Variants in SRP54 observed in about 807,000 individuals in gnomAD.
The protein encoded by SRP54 is signal recognition particle 54.
In SRP54, 10 loss-of-function variants were observed where a neutral mutation model predicts 64.8. The ratio of observed to expected loss-of-function variants is 0.15; its 90% confidence interval spans 0.10 to 0.26. The LOEUF (loss-of-function observed/expected upper bound fraction) is 0.26. SRP54 is among the 10% of genes least tolerant of loss of function. The probability of loss-of-function intolerance (pLI) is 1.00; values close to 1 mark genes in which losing one functional copy is unlikely to be tolerated. For missense variants in SRP54, 325 were observed against 613.7 expected, an observed-to-expected ratio of 0.53 and a Z score of 4.97; for synonymous variants, 193 against 185.6, an observed-to-expected ratio of 1.04 and a Z score of -0.32.
rs760911701 is a variant in SRP54 at position 35,029,288 on chromosome 14, C to T, written c.*136C>T. On this transcript the variant is annotated 3_prime_UTR_variant, in exon 16 of 16. Coordinates refer to ENST00000216774, the MANE Select transcript of SRP54 (RefSeq NM_003136.4). ...TGCACTCTTTCCTTTTCTTCTCGCC[C>T]GCTTTTCCCCTCCTTTTCTTTTTCC... is the stretch of plus-strand genomic sequence containing the variant. 29 of 518,370 alleles carry T rather than the reference C, an allele frequency of 5.6e-5. No individual in the cohort carries two copies. Among genetic ancestry groups the T allele is most frequent in the South Asian group, 9.6e-5 (3 of 31,400 alleles). 32.1% of individuals were successfully genotyped at this position (518,370 alleles called of 1,614,324 possible).
chr14:35,012,444 G>A (rs1205511717), intron 8 of SRP54, among the ~76,000 whole-genome samples: 1 of 152,114 alleles, frequency 6.6e-6, no homozygotes, highest in East Asian at 1.9e-4. Flanking sequence ...TGGAGTGTTA[G>A]CAGTAATTCT....
At chr14:35,028,942 C>A in intron 15 of SRP54, 119 bp from the exon 16 acceptor site, 1 of 758,964 alleles carries the variant, frequency 1.3e-6, no homozygotes, top group Non-Finnish European at 2.1e-6. Flanking sequence ...AGGCTGATGA[C>A]TAAATTGCAA....
At chr14:35,023,166 A>C in intron 14 of SRP54, 86 bp downstream of exon 14, 1 of 1,119,460 alleles carries the variant, frequency 8.9e-7, no homozygotes, top group Non-Finnish European at 1.3e-6. Context: ...TGGAAAATTC[A>C]CAGCTGAATT....
intron 1 of SRP54, among the ~76,000 whole-genome samples, chr14:34,983,550 C>T (rs1398193961): frequency 3.3e-5 from 5 of 152,140 alleles, no homozygotes; most frequent in Admixed American, 3.3e-4. Context: ...TTTTATTTTT[C>T]CTATGTGTTT....
chr14:35,019,990 C>G (rs1469125804), intron 13 of SRP54, among the ~76,000 whole-genome samples: 2 of 152,108 alleles, frequency 1.3e-5, no homozygotes, highest in Non-Finnish European at 2.9e-5. Context: ...TGACACCAGC[C>G]TGGCTAACAT....
intron 4 of SRP54, among the ~76,000 whole-genome samples, chr14:35,006,577 AGTATCACCT>A (rs2044261706): frequency 6.8e-6 from 1 of 146,398 alleles, no homozygotes; most frequent in Non-Finnish European, 1.5e-5. Flanking sequence ...TACTAAAATT[AGTATCACCT>A]GTTTTTACTT....
At chr14:35,021,880 A>G (rs1488762031) in intron 13 of SRP54, among the ~76,000 whole-genome samples, 1 of 152,234 alleles carries the variant, frequency 6.6e-6, no homozygotes, top group African/African-American at 2.4e-5. Context: ...ATGCAGACAT[A>G]ATGGACATTT....
Position 34,983,106 on chromosome 14 carries a change from T to A in SRP54, c.-143T>A, listed in dbSNP as rs2043831050. ...TAGTTCGGGAAGTTGGGTTGTGGGGTCATACCTGTCTGTCTGCTCCCAGCT... is the reference window on the plus strand; with the variant it reads ...TAGTTCGGGAAGTTGGGTTGTGGGGACATACCTGTCTGTCTGCTCCCAGCT... On this transcript the variant is annotated 5_prime_UTR_variant, in exon 1 of 16. Transcript: ENST00000216774. 1 of 152,334 alleles carries A rather than the reference T, an allele frequency of 6.6e-6. No homozygotes were observed. Among genetic ancestry groups the A allele is most frequent in the South Asian group, 2.1e-4 (1 of 4,836 alleles). 9.4% of individuals were successfully genotyped at this position (152,334 alleles called of 1,614,324 possible).
chr14:34,998,123 G>A (rs1275988227), intron 2 of SRP54, among the ~76,000 whole-genome samples: 2 of 152,034 alleles, frequency 1.3e-5, no homozygotes, highest in Non-Finnish European at 2.9e-5. Context: ...AGAGAAAACT[G>A]GTAAGCCTCT....
intron 11 of SRP54, among the ~76,000 whole-genome samples, chr14:35,017,380 G>A (rs1188634464): frequency 3.3e-5 from 5 of 152,124 alleles, no homozygotes; most frequent in Admixed American, 3.3e-4. Context: ...ATATTTAAGT[G>A]TTTTCTGCCT....
At chr14:34,992,548 C>G (rs1246626679) in intron 1 of SRP54, among the ~76,000 whole-genome samples, 3 of 152,092 alleles carry the variant, frequency 2.0e-5, no homozygotes, top group Non-Finnish European at 4.4e-5. Flanking sequence ...AACAGAAAAT[C>G]AAGTATCTCA....
At chr14:35,028,324 G>A in intron 15 of SRP54, 141 bp downstream of exon 15, 1 of 539,938 alleles carries the variant, frequency 1.9e-6, no homozygotes, top group Non-Finnish European at 3.2e-6. Flanking sequence ...TGAATCCTAA[G>A]TTGAATTCAA....
intron 7 of SRP54, among the ~76,000 whole-genome samples, chr14:35,011,182 A>T (rs17102967): frequency 6.6e-6 from 1 of 150,654 alleles, no homozygotes; most frequent in Non-Finnish European, 1.5e-5. Flanking sequence ...TTCCAAATGG[A>T]TGTTAAATGG....
rs370066607 is a variant in SRP54, at chr14:35,013,841, A to G, written c.825A>G (p.Thr275=). 1.4e-5 allele frequency: 22 copies of G among 1,613,804 alleles called. No homozygotes were observed. The highest frequency in any genetic ancestry group is 3.3e-5 in the South Asian group (3 of 91,062). Residue 275 remains threonine (T), a synonymous_variant, in exon 10 of 16, where the codon ACA becomes ACG. Coordinates refer to ENST00000216774, the MANE Select transcript of SRP54 (RefSeq NM_003136.4). ...AAAGTCCGATTATTTTCATTGGTACAGGGGAACATATAGATGACTTTGAAC... is the reference window on the plus strand; with the variant it reads ...AAAGTCCGATTATTTTCATTGGTACGGGGGAACATATAGATGACTTTGAAC... ...ATKSPIIFIG[T]GEHIDDFEPF...
intron 15 of SRP54, 53 bp downstream of exon 15, chr14:35,028,236 A>G: frequency 1.8e-6 from 2 of 1,113,298 alleles, no homozygotes; most frequent in Non-Finnish European, 2.7e-6. Flanking sequence ...ATAAGGGTTG[A>G]GTTTTAATGA....
chr14:35,018,278 T>C (rs2044475231), intron 11 of SRP54, among the ~76,000 whole-genome samples: 1 of 152,230 alleles, frequency 6.6e-6, no homozygotes, highest in Admixed American at 6.5e-5. Flanking sequence ...CCTAAGCTAT[T>C]TAAGAAACTC....
rs761221697 is a variant in SRP54 at position 35,028,079 on chromosome 14, T to TC, written c.1328-5dup. The TC allele has an allele frequency of 1.6e-4, 259 of 1,581,006 alleles. No homozygotes were observed. Among genetic ancestry groups the TC allele is most frequent in the East Asian group, 3.4e-4 (15 of 44,292 alleles). On this transcript the variant is annotated splice_polypyrimidine_tract_variant and intron_variant, in intron 14 of 15. Transcript: ENST00000216774. ...CGCTGACTCAAAATCTTTTTTTTTT[T>TC]CCCCTCAGGTGGCGACATGTCTAAG...
rs532054828 is a variant in SRP54 at position 35,025,183 on chromosome 14, A to G, written c.1327+2103A>G. Among the ~76,000 whole-genome samples, 24 of 152,348 alleles carry G rather than the reference A, an allele frequency of 1.6e-4. No individual in the cohort carries two copies. The South Asian group carries it at 5.0e-3, about 32-fold the overall frequency. On this transcript the variant is annotated intron_variant, in intron 14 of 15. Coordinates refer to ENST00000216774, the MANE Select transcript of SRP54 (RefSeq NM_003136.4). ...TTGATTTTTTTCTATAATGTAAACA[A>G]CTAATTCAGAGTCTGTGAAAATTTG...
In SRP54 at chr14:35,026,670, C is replaced by T. The variant is rs190835236; in HGVS notation, c.1328-1418C>T. Among the ~76,000 whole-genome samples, 11 of 152,286 alleles carry T rather than the reference C, an allele frequency of 7.2e-5. No homozygotes were observed. In the East Asian group the frequency reaches 7.7e-4, roughly 11 times the overall value. ...TACTTAAAGAAAACTTCTGGCCAGG[C>T]GCTGTGGCCTACGCCTGTAATCCCA... On this transcript the variant is annotated intron_variant, in intron 14 of 15. Transcript: ENST00000216774.
Sources: allele counts gnomAD v4.1 joint callset (sites outside exome capture counted in the v4.1 genomes callset), GRCh38; gene constraint gnomAD v4.1.1; transcripts MANE v1.5; gene names NCBI Gene and HGNC (gene_info 2026-07-23, HGNC 2026-07-21).